The following INVS variants were observed in gnomAD, a reference collection of about 807,000 sequenced individuals.
The protein encoded by INVS is inversion of embryo turning homolog.
In INVS, 86 loss-of-function variants were observed where a neutral mutation model predicts 108.8. The observed-to-expected ratio is 0.79, with a 90% CI of 0.66 to 0.95. The LOEUF (loss-of-function observed/expected upper bound fraction) is 0.95, where lower values mean the gene tolerates loss of function less well. Ranked by LOEUF, INVS falls within the 40% of genes least tolerant of loss-of-function variation. The probability of loss-of-function intolerance (pLI) is 0.00; values close to 1 mark genes in which losing one functional copy is unlikely to be tolerated. For missense variants in INVS, 1,169 were observed against 1,297.4 expected (o/e 0.90, Z 1.52); for synonymous variants, 455 against 473.5 (o/e 0.96, Z 0.51).
chr9:100,183,323 A>G (rs1489347437), intron 3 of INVS, among the ~76,000 whole-genome samples: 1 of 152,190 alleles, frequency 6.6e-6, no homozygotes, highest in Non-Finnish European at 1.5e-5. Flanking sequence ...AATACAGGTG[A>G]CAACATACTC....
chr9:100,178,675 T>C (rs1369444701), intron 3 of INVS, among the ~76,000 whole-genome samples: 1 of 152,220 alleles, frequency 6.6e-6, no homozygotes, highest in African/African-American at 2.4e-5. Flanking sequence ...TTGGTGTACC[T>C]GAAAGTGACG....
At chr9:100,127,062 G>T (rs1055976347) in intron 3 of INVS, among the ~76,000 whole-genome samples, 3 of 152,032 alleles carry the variant, frequency 2.0e-5, no homozygotes, top group Non-Finnish European at 2.9e-5. Context: ...TGGGCATGGT[G>T]GCGCACACTT....
chr9:100,217,806 T>C (rs924738606), intron 3 of INVS, among the ~76,000 whole-genome samples: 3 of 152,182 alleles, frequency 2.0e-5, no homozygotes, highest in Non-Finnish European at 4.4e-5. Context: ...TCAGGGACAT[T>C]CAAGGCCCAG....
intron 12 of INVS, among the ~76,000 whole-genome samples, chr9:100,276,451 T>C (rs951127251): frequency 2.6e-5 from 4 of 152,206 alleles, no homozygotes; most frequent in Non-Finnish European, 4.4e-5. Context: ...ATTGTATGCA[T>C]TCCCCCTTTG....
intron 3 of INVS, among the ~76,000 whole-genome samples, chr9:100,208,694 G>A (rs541805842): frequency 6.6e-6 from 1 of 152,160 alleles, no homozygotes; most frequent in Non-Finnish European, 1.5e-5. Flanking sequence ...AAAATTTGTT[G>A]CATTTAGCTT....
chr9:100,248,776 G>T (rs1168854493), intron 8 of INVS, among the ~76,000 whole-genome samples: 1 of 152,012 alleles, frequency 6.6e-6, no homozygotes, highest in Non-Finnish European at 1.5e-5. Context: ...CTCTTTTAGA[G>T]TCCACCAATA....
chr9:100,126,722 C>A (rs777769047), intron 3 of INVS, among the ~76,000 whole-genome samples, 173 bp downstream of exon 3: 7 of 152,144 alleles, frequency 4.6e-5, no homozygotes, highest in Admixed American at 6.5e-5. Flanking sequence ...GCACAGATAA[C>A]TATCAGCGGC....
intron 10 of INVS, 49 bp downstream of exon 10, chr9:100,253,185 A>G (rs1832295910): frequency 7.0e-7 from 1 of 1,423,732 alleles, no homozygotes; most frequent in Middle Eastern, 1.7e-4. Flanking sequence ...AATTTAGAGT[A>G]TTTCTTCTTT....
At chr9:100,122,901 A>G (rs1203660220) in intron 2 of INVS, among the ~76,000 whole-genome samples, 1 of 152,104 alleles carries the variant, frequency 6.6e-6, no homozygotes, top group Non-Finnish European at 1.5e-5. Context: ...GTCTTCTTTT[A>G]TATCTCAGCC....
chr9:100,258,838 G>A (rs1356122174), intron 10 of INVS, among the ~76,000 whole-genome samples: 1 of 152,208 alleles, frequency 6.6e-6, no homozygotes, highest in Non-Finnish European at 1.5e-5. Flanking sequence ...ACTGGGAGAT[G>A]TCTCCCCGTT....
intron 11 of INVS, among the ~76,000 whole-genome samples, chr9:100,272,065 C>T (rs762449631): frequency 1.3e-5 from 2 of 151,692 alleles, no homozygotes; most frequent in Non-Finnish European, 1.5e-5. Context: ...AACAGGGTTT[C>T]ACCTTGTTGG....
chr9:100,203,333 TG>T (rs1329911800), intron 3 of INVS, among the ~76,000 whole-genome samples: 1 of 152,192 alleles, frequency 6.6e-6, no homozygotes, highest in Non-Finnish European at 1.5e-5. Context: ...TGTTAATAAC[TG>T]TAGTCTCGGG....
At chr9:100,113,869 T>C (rs1424237193) in intron 2 of INVS, among the ~76,000 whole-genome samples, 2 of 152,192 alleles carry the variant, frequency 1.3e-5, no homozygotes, top group East Asian at 3.8e-4. Flanking sequence ...AGCATTCTAT[T>C]TTCCAAAGAA....
chr9:100,100,599 C>T (rs59637286), intron 1 of INVS, among the ~76,000 whole-genome samples: 46,692 of 77,786 alleles, frequency 0.6, 15,453 homozygotes, highest in East Asian at 0.9. Context: ...AATATATGTA[C>T]ATATAATATA....
chr9:100,190,618 A>T (rs1313329819), intron 3 of INVS, among the ~76,000 whole-genome samples: 5 of 152,160 alleles, frequency 3.3e-5, no homozygotes, highest in Admixed American at 6.5e-5. Context: ...TCCTTCATTT[A>T]TGAAACTTAG....
At chr9:100,141,603 C>A (rs1218213465) in intron 3 of INVS, among the ~76,000 whole-genome samples, 1 of 152,184 alleles carries the variant, frequency 6.6e-6, no homozygotes, top group Non-Finnish European at 1.5e-5. Flanking sequence ...GTGAAAGCGT[C>A]TACCTAGACT....
chr9:100,260,731 T>C (rs542323808), intron 10 of INVS, among the ~76,000 whole-genome samples: 1 of 152,188 alleles, frequency 6.6e-6, no homozygotes, highest in East Asian at 1.9e-4. Context: ...ATAACAACAG[T>C]GGGGGAAGCT....
At chr9:100,204,358 A>T (rs545772482) in intron 3 of INVS, among the ~76,000 whole-genome samples, 9 of 152,358 alleles carry the variant, frequency 5.9e-5, no homozygotes, top group Admixed American at 4.6e-4. Context: ...TTAAAAAAGC[A>T]TCATATGCTG....
At chr9:100,153,196 A>G (rs1828863569) in intron 3 of INVS, among the ~76,000 whole-genome samples, 1 of 152,050 alleles carries the variant, frequency 6.6e-6, no homozygotes, top group South Asian at 2.1e-4. Flanking sequence ...TAGGAAAAAG[A>G]CTAATAAATA....
Sources: allele counts gnomAD v4.1 joint callset (sites outside exome capture counted in the v4.1 genomes callset), GRCh38; gene constraint gnomAD v4.1.1; transcripts MANE v1.5; gene names NCBI Gene and HGNC (gene_info 2026-07-23, HGNC 2026-07-21).